The following ARFGEF1 variants were observed in gnomAD, a reference collection of about 807,000 sequenced individuals.
ARFGEF1 encodes brefeldin A-inhibited guanine nucleotide-exchange protein 1.
ARFGEF1 carries 42 observed loss-of-function variants against 231.0 expected under a neutral mutation model. The ratio of observed to expected loss-of-function variants is 0.18; its 90% CI spans 0.14 to 0.24. ARFGEF1 has a LOEUF of 0.24. ARFGEF1 is among the 10% of genes least tolerant of loss of function. The probability of loss-of-function intolerance (pLI) is 1.00; values close to 1 mark genes in which losing one functional copy is unlikely to be tolerated. For synonymous variants in ARFGEF1, 710 were observed against 732.3 expected, an observed-to-expected ratio of 0.97 and a Z score of 0.49; for missense variants, 1,345 against 2,192.0, an observed-to-expected ratio of 0.61 and a Z score of 7.72.
At chr8:67,222,269 A>ATGT (rs1483190587) in intron 29 of ARFGEF1, among the ~76,000 whole-genome samples, 2 of 101,948 alleles carry the variant, frequency 2.0e-5, no homozygotes, top group East Asian at 3.4e-4. Flanking sequence ...GTATGTATGT[A>ATGT]TTTTTTTTTT....
intron 9 of ARFGEF1, among the ~76,000 whole-genome samples, chr8:67,274,451 C>CA (rs1805229662): frequency 6.6e-6 from 1 of 151,964 alleles, no homozygotes; most frequent in Non-Finnish European, 1.5e-5. Context: ...AGAAGGTCTT[C>CA]AAACAAAATT....
chr8:67,191,588 G>C (rs1382518675), intron 5 of ARFGEF1, among the ~76,000 whole-genome samples: 1 of 152,282 alleles, frequency 6.6e-6, no homozygotes, highest in African/African-American at 2.4e-5. Context: ...TCATGTTGTA[G>C]CATGTGCCAG....
intron 19 of ARFGEF1, among the ~76,000 whole-genome samples, chr8:67,244,427 G>C (rs1274645744): frequency 6.9e-6 from 1 of 145,322 alleles, no homozygotes; most frequent in African/African-American, 2.6e-5. Flanking sequence ...TCCCACCTCA[G>C]CTTTCCTAGT....
chr8:67,188,216 A>G (rs1432399535), intron 5 of ARFGEF1, among the ~76,000 whole-genome samples: 1 of 152,232 alleles, frequency 6.6e-6, no homozygotes, highest in Non-Finnish European at 1.5e-5. Flanking sequence ...TGATTAAAAG[A>G]TTCAGCAAGA....
At chr8:67,282,373 T>G in intron 7 of ARFGEF1, among the ~76,000 whole-genome samples, 1 of 151,812 alleles carries the variant, frequency 6.6e-6, no homozygotes, top group East Asian at 1.9e-4. Flanking sequence ...CACAGAAAAA[T>G]AAATCTGAGA....
At chr8:67,209,484 A>C (rs1838646091) in intron 34 of ARFGEF1, among the ~76,000 whole-genome samples, 1 of 152,220 alleles carries the variant, frequency 6.6e-6, no homozygotes, top group Non-Finnish European at 1.5e-5. Flanking sequence ...AGGAGTGATG[A>C]AAATGCTTTG....
chr8:67,321,759 C>T (rs190135394), intron 1 of ARFGEF1, among the ~76,000 whole-genome samples: 6 of 152,260 alleles, frequency 3.9e-5, no homozygotes, highest in Admixed American at 2.0e-4. Flanking sequence ...CACACCCGGC[C>T]GAGAACTTCT....
chr8:67,257,447 A>AT (rs2128888951), intron 17 of ARFGEF1, among the ~76,000 whole-genome samples: 1 of 152,338 alleles, frequency 6.6e-6, no homozygotes, highest in African/African-American at 2.4e-5. Context: ...ACAAACTGAC[A>AT]TAAGACCTAT....
At chr8:67,322,870 T>G (rs1807659748) in intron 1 of ARFGEF1, among the ~76,000 whole-genome samples, 1 of 152,224 alleles carries the variant, frequency 6.6e-6, no homozygotes, top group Non-Finnish European at 1.5e-5. Flanking sequence ...AATCTGCTCC[T>G]TAACAGCAAA....
At chr8:67,200,594 ATAG>A (rs1167265097) in intron 37 of ARFGEF1, 81 bp from the exon 38 acceptor site, 1 of 810,392 alleles carries the variant, frequency 1.2e-6, no homozygotes, top group Non-Finnish European at 2.0e-6. Flanking sequence ...AATCATGAAC[ATAG>A]TAGTGAATAT....
chr8:67,225,955 A>T (rs1839357949), intron 28 of ARFGEF1, 68 bp downstream of exon 28: 26 of 1,445,956 alleles, frequency 1.8e-5, no homozygotes, highest in Non-Finnish European at 2.3e-5. Flanking sequence ...CTCAATTCCC[A>T]AACAAACTTA....
At chr8:67,184,438 C>T (rs1833865872) in intron 5 of ARFGEF1, among the ~76,000 whole-genome samples, 1 of 152,050 alleles carries the variant, frequency 6.6e-6, no homozygotes, top group Non-Finnish European at 1.5e-5. Flanking sequence ...TTACTAATAC[C>T]AGAAACAGGG....
intron 34 of ARFGEF1, among the ~76,000 whole-genome samples, chr8:67,210,013 G>T (rs370488010): frequency 4.0e-5 from 6 of 151,842 alleles, no homozygotes; most frequent in African/African-American, 9.7e-5. Context: ...AAATTAATTG[G>T]GTATGGTGGC....
intron 3 of ARFGEF1, among the ~76,000 whole-genome samples, chr8:67,299,714 C>G (rs144380155): frequency 1.3e-5 from 2 of 152,058 alleles, no homozygotes; most frequent in African/African-American, 4.8e-5. Flanking sequence ...GGGAGGCCTG[C>G]TTGCCTCCCA....
At chr8:67,202,482 C>T (rs1838368047) in intron 36 of ARFGEF1, among the ~76,000 whole-genome samples, 1 of 152,128 alleles carries the variant, frequency 6.6e-6, no homozygotes, top group Non-Finnish European at 1.5e-5. Flanking sequence ...TGGTTTCGAA[C>T]TTCTGGCCCC....
In ARFGEF1 at chr8:67,204,831, C is replaced by T. The variant is rs761947326; in HGVS notation, c.4820-12G>A. On this transcript the variant is annotated splice_polypyrimidine_tract_variant and intron_variant, in intron 34 of 38. Coordinates refer to ENST00000262215, the MANE Select transcript of ARFGEF1 (RefSeq NM_006421.5). Reference sequence around the variant, plus strand: ...TTGTTCTGGAAATTCTGTGAGGAAACCCCCCCCAATGCACATGCAAACAAA... The same window carrying T: ...TTGTTCTGGAAATTCTGTGAGGAAATCCCCCCCAATGCACATGCAAACAAA... The T allele has an allele frequency of 1.9e-6, 3 of 1,585,036 alleles. No homozygotes were observed. The highest frequency in any genetic ancestry group is 4.6e-5 in the East Asian group (2 of 43,814).
intron 19 of ARFGEF1, among the ~76,000 whole-genome samples, chr8:67,243,205 C>T (rs1478426271): frequency 1.3e-5 from 2 of 152,214 alleles, no homozygotes; most frequent in African/African-American, 4.8e-5. Context: ...GGGGTGTCCC[C>T]TAAAGCAGAT....
chr8:67,271,795 T>C lies in ARFGEF1; in HGVS notation c.1479A>G (p.Gly493=), dbSNP rs1023184254. The change falls in exon 10 of 39, where the codon GGA becomes GGG. Residue 493 remains glycine (G), a synonymous_variant. Transcript: ENST00000262215. ...QYLCVALSKN[G]VSSVPEVFEL... ...CAAAAACCTCTGGAACAGATGAGAC[T>C]CCATTTTTTGAGAGTGCAACACAAA... The C allele has an allele frequency of 6.2e-7, 1 of 1,613,840 alleles. No individual in the cohort carries two copies. Among genetic ancestry groups the C allele is most frequent in the Admixed American group, 1.7e-5 (1 of 60,016 alleles).
intron 5 of ARFGEF1, among the ~76,000 whole-genome samples, chr8:67,187,725 A>T (rs947448885): frequency 1.3e-5 from 2 of 152,184 alleles, no homozygotes; most frequent in African/African-American, 4.8e-5. Flanking sequence ...CAGTCAGCTG[A>T]TCTCTGACAG....
Sources: allele counts gnomAD v4.1 joint callset (sites outside exome capture counted in the v4.1 genomes callset), GRCh38; gene constraint gnomAD v4.1.1; transcripts MANE v1.5; gene names NCBI Gene and HGNC (gene_info 2026-07-23, HGNC 2026-07-21).